The following ZNF326 variants were observed in gnomAD, a reference collection of about 807,000 sequenced individuals.
ZNF326 encodes the protein zinc finger protein 326.
Under a neutral mutation model 63.1 loss-of-function variants are expected in ZNF326, and 30 were observed. That is an observed-to-expected ratio of 0.48 (90% CI 0.36 to 0.64). The LOEUF is 0.64. Ranked by LOEUF, ZNF326 falls within the 30% of genes least tolerant of loss-of-function variation. The pLI, the probability that ZNF326 is intolerant of heterozygous loss-of-function variation, is 0.00. For missense variants in ZNF326, 609 were observed against 720.3 expected, an observed-to-expected ratio of 0.85 and a Z score of 1.77; for synonymous variants, 194 against 228.2, an observed-to-expected ratio of 0.85 and a Z score of 1.35.
In ZNF326 at chr1:90,031,709, C is replaced by G. The variant is rs914834383; in HGVS notation, c.*4008C>G. The G allele has an allele frequency of 9.9e-5, 15 of 152,076 alleles. No homozygotes were observed. Among genetic ancestry groups the G allele is most frequent in the African/African-American group, 3.6e-4 (15 of 41,374 alleles). The allele number at this position is 152,076 out of a possible 1,614,324, so 9.4% of individuals were successfully genotyped here. On this transcript the variant is annotated 3_prime_UTR_variant, in exon 12 of 12. Coordinates refer to ENST00000340281, the MANE Select transcript of ZNF326 (RefSeq NM_182976.4). The stretch of plus-strand genomic sequence containing the variant: ...AGTAACTGGGATTACAGGCACACAC[C>G]ACCATGCCCAGCTAATTTTTTTGTA...
rs145638727 is a variant in ZNF326 at position 89,997,531 on chromosome 1, G to T, written c.17-579G>T. ...TGGGACTACAGGCACGCACCACCAG[G>T]CCCGGCTAATTTTTATATTTCCAGT... On this transcript the variant is annotated intron_variant, in intron 1 of 11. Transcript: ENST00000340281. Among the ~76,000 whole-genome samples the T allele has an allele frequency of 5.9e-5, 9 of 152,028 alleles. No individual in the cohort carries two copies. The South Asian group carries it at 1.0e-3, about 18-fold the overall frequency.
rs1481033920 is a variant in ZNF326 at position 90,022,303 on chromosome 1, A to G, written c.1359A>G (p.Leu453=). Residue 453 remains leucine, a synonymous_variant, in exon 11 of 12, where the codon TTA becomes TTG. Coordinates refer to ENST00000340281, the MANE Select transcript of ZNF326 (RefSeq NM_182976.4). ...GTGTCTTGACTGCTACAAGCATTTT[A>G]AATAATCCAATAGTGAAGGCGCGAT... ...RESVLTATSI[L]NNPIVKARYE... 6.2e-7 allele frequency: 1 copy of G among 1,613,272 alleles called. No individual in the cohort carries two copies. The highest frequency in any genetic ancestry group is 1.3e-5 in the African/African-American group (1 of 74,904).
chr1:89,997,996 T>C, intron 1 of ZNF326, 114 bp from the exon 2 acceptor site: 1 of 805,952 alleles, frequency 1.2e-6, no homozygotes, highest in Non-Finnish European at 2.0e-6. Context: ...GTTTTGCAGA[T>C]AATTGGGTTA....
In ZNF326 at chr1:90,029,145, A is replaced by T. The variant is rs1445628086; in HGVS notation, c.*1444A>T. 6.6e-6 allele frequency: 1 copy of T among 152,196 alleles called. No homozygotes were observed. The highest frequency in any genetic ancestry group is 1.5e-5 in the Non-Finnish European group (1 of 68,042). The allele number at this position is 152,196 out of a possible 1,614,324, so 9.4% of individuals were successfully genotyped here. On this transcript the variant is annotated 3_prime_UTR_variant, in exon 12 of 12. Coordinates refer to ENST00000340281, the MANE Select transcript of ZNF326 (RefSeq NM_182976.4). Reference sequence around the variant, plus strand: ...AGTGAAATTAGAAAAGTTTTGAGGCATCGAATGGATAAATGGATGGATATA... The same window carrying T: ...AGTGAAATTAGAAAAGTTTTGAGGCTTCGAATGGATAAATGGATGGATATA...
rs1334745820 is a variant in ZNF326, at chr1:90,031,061, T to C, written c.*3360T>C. ...TTCATAGGGCCCTCATACAAATTTC[T>C]GGTGCCTGTAACTCTTCCCCTATCA... On this transcript the variant is annotated 3_prime_UTR_variant, in exon 12 of 12. Coordinates refer to ENST00000340281, the MANE Select transcript of ZNF326 (RefSeq NM_182976.4). 1 of 152,226 alleles carries C rather than the reference T, an allele frequency of 6.6e-6. No homozygotes were observed. The highest frequency in any genetic ancestry group is 6.5e-5 in the Admixed American group (1 of 15,286). 9.4% of individuals were successfully genotyped at this position (152,226 alleles called of 1,614,324 possible).
chr1:90,011,528 T>G (rs1649233818), intron 6 of ZNF326, among the ~76,000 whole-genome samples: 2 of 151,318 alleles, frequency 1.3e-5, no homozygotes, highest in South Asian at 2.1e-4. Flanking sequence ...TTTTTTTTTT[T>G]TTTTTTTTTT....
intron 7 of ZNF326, among the ~76,000 whole-genome samples, chr1:90,016,305 C>T (rs1442363803): frequency 6.6e-6 from 1 of 152,082 alleles, no homozygotes; most frequent in Admixed American, 6.5e-5. Flanking sequence ...CTCATACTCT[C>T]AACCAGGAAA....
intron 8 of ZNF326, among the ~76,000 whole-genome samples, chr1:90,018,261 C>T (rs1649596412): frequency 6.7e-6 from 1 of 149,632 alleles, no homozygotes; most frequent in Non-Finnish European, 1.5e-5. Context: ...CACTGGACTC[C>T]AGCCTGGGTG....
chr1:90,017,765 C>T (rs184819932), intron 8 of ZNF326, among the ~76,000 whole-genome samples: 26 of 152,218 alleles, frequency 1.7e-4, no homozygotes, highest in East Asian at 1.2e-3. Context: ...TACATTCATT[C>T]GTTATTTCAG....
chr1:90,013,221 T>TA lies in ZNF326; in HGVS notation c.911dup (p.Tyr304Ter). The change falls in exon 7 of 12, where the codon TAC becomes TAAC. Residue 304 changes from tyrosine (Y) to a stop codon, truncating the protein, a stop_gained and frameshift_variant. Coordinates refer to ENST00000340281, the MANE Select transcript of ZNF326 (RefSeq NM_182976.4). LOFTEE classifies it high-confidence loss of function. ...RRRREKNSEK[Y>*]GDGYRMAFTC... is the part of the protein sequence containing the mutation. ...CAGAAGAGAAAAAAACAGTGAGAAATACGGAGATGGATACAGGTTTGTACT... is the reference window on the plus strand; with the variant it reads ...CAGAAGAGAAAAAAACAGTGAGAAATAACGGAGATGGATACAGGTTTGTACT... 6.2e-7 allele frequency: 1 copy of TA among 1,607,792 alleles called. No individual in the cohort carries two copies. The highest frequency in any genetic ancestry group is 1.1e-5 in the South Asian group (1 of 89,850).
rs1223018897 is a variant in ZNF326, at chr1:90,030,406, A to G, written c.*2705A>G. ...ATGTTGATCAGACTGGCCTAGCTTTACAACTTTATATCATATACCATTCTT... is the reference window on the plus strand; with the variant it reads ...ATGTTGATCAGACTGGCCTAGCTTTGCAACTTTATATCATATACCATTCTT... On this transcript the variant is annotated 3_prime_UTR_variant, in exon 12 of 12. Coordinates refer to ENST00000340281, the MANE Select transcript of ZNF326 (RefSeq NM_182976.4). 6.7e-6 allele frequency: 1 copy of G among 150,108 alleles called. No individual in the cohort carries two copies. The highest frequency in any genetic ancestry group is 1.5e-5 in the Non-Finnish European group (1 of 67,810). 9.3% of individuals were successfully genotyped at this position (150,108 alleles called of 1,614,324 possible).
chr1:90,024,111 A>G (rs1210888920), intron 11 of ZNF326, among the ~76,000 whole-genome samples: 2 of 152,164 alleles, frequency 1.3e-5, no homozygotes, highest in African/African-American at 2.4e-5. Context: ...TCCCCAGAAC[A>G]TCTTCTGCTC....
chr1:90,008,614 T>TA (rs1649100814), intron 5 of ZNF326, among the ~76,000 whole-genome samples: 2 of 152,196 alleles, frequency 1.3e-5, no homozygotes, highest in African/African-American at 4.8e-5. Context: ...TTTGATCATT[T>TA]AAAGAGTATT....
At chr1:90,014,213 G>T (rs1649387592) in intron 7 of ZNF326, among the ~76,000 whole-genome samples, 1 of 151,870 alleles carries the variant, frequency 6.6e-6, no homozygotes. Context: ...TTTTTTCCCA[G>T]GCTTAAAAGT....
intron 7 of ZNF326, among the ~76,000 whole-genome samples, chr1:90,015,940 A>T (rs1397855010): frequency 2.0e-5 from 3 of 152,190 alleles, no homozygotes; most frequent in Non-Finnish European, 2.9e-5. Flanking sequence ...GCTGTGCCAG[A>T]TAATGTTAAA....
chr1:89,995,228 C>T lies in ZNF326; in HGVS notation c.-30C>T, dbSNP rs1386155561. ...CGCCGGCCATAGCTCAGCCTAGCGC[C>T]GCCAAGGCCGACGGCCCTCAGCCTC... On this transcript the variant is annotated 5_prime_UTR_variant, in exon 1 of 12. Transcript: ENST00000340281. The T allele has an allele frequency of 1.9e-6, 3 of 1,543,630 alleles. No homozygotes were observed. Among genetic ancestry groups the T allele is most frequent in the Non-Finnish European group, 2.6e-6 (3 of 1,147,408 alleles).
intron 7 of ZNF326, among the ~76,000 whole-genome samples, chr1:90,015,914 C>G (rs1168138271): frequency 2.6e-5 from 4 of 152,116 alleles, no homozygotes; most frequent in Admixed American, 6.5e-5. Context: ...CTAATTTAAA[C>G]ATTTAATGAA....
Position 90,031,499 on chromosome 1 carries a change from A to G in ZNF326, c.*3798A>G, listed in dbSNP as rs886284617. The G allele has an allele frequency of 2.6e-5, 4 of 152,154 alleles. No homozygotes were observed. Among genetic ancestry groups the G allele is most frequent in the Non-Finnish European group, 5.9e-5 (4 of 68,028 alleles). The allele number at this position is 152,154 out of a possible 1,614,324, so 9.4% of individuals were successfully genotyped here. On this transcript the variant is annotated 3_prime_UTR_variant, in exon 12 of 12. Transcript: ENST00000340281. ...TATTGTGGTAAAGTATACATAGCAT[A>G]AAATTACCATTCTAATCATTTTTTA...
At chr1:89,995,396 C>G in intron 1 of ZNF326, 123 bp downstream of exon 1, 1 of 1,305,654 alleles carries the variant, frequency 7.7e-7, no homozygotes, top group Non-Finnish European at 1.0e-6. Flanking sequence ...AGGCCGCCCG[C>G]CCGCCCCGGG....
Sources: gnomAD v4.1 joint callset for allele counts (sites outside exome capture counted in the v4.1 genomes callset) on GRCh38, gnomAD v4.1.1 for gene constraint, MANE v1.5 for transcripts, NCBI Gene and HGNC (gene_info 2026-07-23, HGNC 2026-07-21) for gene names.